TTLL5: variants seen among roughly 807,000 people sequenced by gnomAD.
The protein encoded by TTLL5 is tubulin tyrosine ligase like 5, also known as tubulin polyglutamylase TTLL5.
In TTLL5, 132 loss-of-function variants were observed where a neutral mutation model predicts 168.4. The observed-to-expected ratio is 0.78, with a 90% CI of 0.68 to 0.91. The LOEUF (loss-of-function observed/expected upper bound fraction) is 0.91. Ranked by LOEUF, TTLL5 falls within the 40% of genes least tolerant of loss-of-function variation. The pLI, the probability that TTLL5 is intolerant of heterozygous loss-of-function variation, is 0.00. For missense variants in TTLL5, 1,545 were observed against 1,581.5 expected (o/e 0.98, Z 0.39); for synonymous variants, 546 against 558.6 (o/e 0.98, Z 0.32).
intron 12 of TTLL5, among the ~76,000 whole-genome samples, chr14:75,726,924 G>A (rs1203537544): frequency 2.0e-5 from 3 of 152,100 alleles, no homozygotes; most frequent in African/African-American, 2.4e-5. Flanking sequence ...TTACAATAAA[G>A]GGAATACAGT....
intron 31 of TTLL5, among the ~76,000 whole-genome samples, chr14:75,914,033 A>AAAAAAAAAATATAT: frequency 1.5e-4 from 11 of 71,100 alleles, no homozygotes; most frequent in South Asian, 5.5e-4. Flanking sequence ...AAAAAAAAAA[A>AAAAAAAAAATATAT]ATATATATAT....
Position 75,781,160 on chromosome 14 carries a change from A to C in TTLL5, c.2516-1327A>C, listed in dbSNP as rs562924682. 2.0e-5 allele frequency among the ~76,000 whole-genome samples: 3 copies of C among 152,256 alleles called. No individual in the cohort carries two copies. The South Asian group carries it at 6.2e-4, about 32-fold the overall frequency. ...ATCTAGTAACTTCTCCCCTGGCAGT[A>C]ATGTGGAAGCCCTAACAGCATGTGG... On this transcript the variant is annotated intron_variant, in intron 24 of 31. Transcript: ENST00000298832.
chr14:75,843,440 T>C (rs1896361242), intron 28 of TTLL5, among the ~76,000 whole-genome samples: 2 of 152,248 alleles, frequency 1.3e-5, no homozygotes, highest in Non-Finnish European at 2.9e-5. Flanking sequence ...AAGTTCCTGG[T>C]TCAGCTGGAT....
At chr14:75,746,639 C>G (rs907024895) in intron 17 of TTLL5, among the ~76,000 whole-genome samples, 5 of 150,524 alleles carry the variant, frequency 3.3e-5, no homozygotes, top group Admixed American at 2.7e-4. Flanking sequence ...TTACTGCAAC[C>G]TTGGCTTCCT....
At chr14:75,898,067 C>T (rs1176896047) in intron 30 of TTLL5, among the ~76,000 whole-genome samples, 1 of 152,210 alleles carries the variant, frequency 6.6e-6, no homozygotes, top group Non-Finnish European at 1.5e-5. Context: ...ACTTCTATAA[C>T]TCCAGTTTTT....
chr14:75,800,451 G>A (rs550059144), intron 27 of TTLL5, among the ~76,000 whole-genome samples: 42 of 151,946 alleles, frequency 2.8e-4, no homozygotes, highest in African/African-American at 9.4e-4. Context: ...GTAAATAATC[G>A]ACCTTTTGAG....
At chr14:75,818,654 A>ATT (rs34861864) in intron 27 of TTLL5, 56 of 143,170 alleles carry the variant, frequency 3.9e-4, no homozygotes, top group Middle Eastern at 3.0e-3. Context: ...CGCCTGGCTA[A>ATT]TTTTTTTTTT....
chr14:75,703,197 G>T (rs1048013161), intron 7 of TTLL5, among the ~76,000 whole-genome samples: 2 of 152,170 alleles, frequency 1.3e-5, no homozygotes, highest in Non-Finnish European at 2.9e-5. Flanking sequence ...AGTGAGTGAG[G>T]GATTTAGGCA....
At chr14:75,931,124 T>G (rs1595292092) in intron 31 of TTLL5, among the ~76,000 whole-genome samples, 1 of 152,342 alleles carries the variant, frequency 6.6e-6, no homozygotes, top group South Asian at 2.1e-4. Context: ...AGATTTGTTG[T>G]GCCCAGCACA....
At chr14:75,778,263 C>T (rs1291749540) in intron 23 of TTLL5, among the ~76,000 whole-genome samples, 6 of 152,104 alleles carry the variant, frequency 3.9e-5, no homozygotes, top group East Asian at 1.9e-4. Context: ...AATGTGGTGA[C>T]GTCAGTTCTT....
At chr14:75,753,578 G>A (rs1890083357) in intron 18 of TTLL5, among the ~76,000 whole-genome samples, 1 of 152,084 alleles carries the variant, frequency 6.6e-6, no homozygotes, top group African/African-American at 2.4e-5. Flanking sequence ...ATTATTTTGA[G>A]GATATATGTA....
chr14:75,683,035 G>A (rs1884750538), intron 4 of TTLL5, among the ~76,000 whole-genome samples: 1 of 152,158 alleles, frequency 6.6e-6, no homozygotes, highest in Admixed American at 6.5e-5. Context: ...GCCTCCCAAA[G>A]TGCTGAGATT....
At chr14:75,711,003 A>G (rs1887035384) in intron 9 of TTLL5, 1 of 152,238 alleles carries the variant, frequency 6.6e-6, no homozygotes, top group African/African-American at 2.4e-5. Flanking sequence ...AGGCGACAGA[A>G]AGATTAAATT....
At chr14:75,920,884 C>T (rs2033803388) in intron 31 of TTLL5, among the ~76,000 whole-genome samples, 1 of 152,188 alleles carries the variant, frequency 6.6e-6, no homozygotes, top group African/African-American at 2.4e-5. Flanking sequence ...TCTCCAGCAT[C>T]TGTTGTTTCT....
intron 27 of TTLL5, among the ~76,000 whole-genome samples, chr14:75,810,773 G>T (rs1001999361): frequency 2.6e-5 from 4 of 152,160 alleles, no homozygotes; most frequent in Admixed American, 2.6e-4. Flanking sequence ...ATTGCAAATG[G>T]TTTCTTAGGC....
chr14:75,846,524 C>T (rs1056687573), intron 28 of TTLL5, among the ~76,000 whole-genome samples: 7 of 152,192 alleles, frequency 4.6e-5, no homozygotes, highest in Non-Finnish European at 1.5e-5. Context: ...GGTGTGGTGG[C>T]TCATGCCTGT....
chr14:75,755,313 T>G (rs1223887143), intron 18 of TTLL5, among the ~76,000 whole-genome samples: 4 of 151,826 alleles, frequency 2.6e-5, no homozygotes, highest in Non-Finnish European at 5.9e-5. Flanking sequence ...TTTCCCTGTT[T>G]AGCTAAGAAA....
intron 29 of TTLL5, among the ~76,000 whole-genome samples, chr14:75,865,113 A>G (rs1342489274): frequency 6.6e-6 from 1 of 152,166 alleles, no homozygotes; most frequent in Admixed American, 6.5e-5. Flanking sequence ...TAATCTGGAA[A>G]GCATAGAATA....
chr14:75,914,155 C>T (rs578014890), intron 31 of TTLL5, among the ~76,000 whole-genome samples: 4 of 148,122 alleles, frequency 2.7e-5, no homozygotes, highest in South Asian at 4.3e-4. Flanking sequence ...TTTATCTTGT[C>T]GTTTAAAAAA....
Sources: gnomAD v4.1 joint callset for allele counts (sites outside exome capture counted in the v4.1 genomes callset) on GRCh38, gnomAD v4.1.1 for gene constraint, MANE v1.5 for transcripts, NCBI Gene and HGNC (gene_info 2026-07-23, HGNC 2026-07-21) for gene names.